Variants in PARN observed in about 807,000 individuals in gnomAD.
PARN encodes the protein poly(A)-specific ribonuclease PARN.
Under a neutral mutation model 102.8 loss-of-function variants are expected in PARN, and 71 were observed. The ratio of observed to expected loss-of-function variants is 0.69; its 90% CI spans 0.57 to 0.84. The LOEUF (loss-of-function observed/expected upper bound fraction) is 0.84. Among genes scored for constraint, PARN ranks in the 40% least tolerant of loss-of-function variants. The probability of loss-of-function intolerance (pLI) is 0.00; values close to 1 mark genes in which losing one functional copy is unlikely to be tolerated. For synonymous variants in PARN, 261 were observed against 252.9 expected (o/e 1.03, Z -0.30); for missense variants, 782 against 760.9 (o/e 1.03, Z -0.33).
At chr16:14,492,651 T>C (rs895367476) in intron 21 of PARN, among the ~76,000 whole-genome samples, 1 of 152,212 alleles carries the variant, frequency 6.6e-6, no homozygotes, top group African/African-American at 2.4e-5. Context: ...CACTGGCCAC[T>C]GTTCCCATGT....
At chr16:14,539,046 G>C (rs1218692115) in intron 21 of PARN, among the ~76,000 whole-genome samples, 2 of 152,150 alleles carry the variant, frequency 1.3e-5, no homozygotes. Flanking sequence ...ATTATGGTGA[G>C]TTGTATAATT....
At chr16:14,469,276 G>C (rs866778556) in intron 22 of PARN, among the ~76,000 whole-genome samples, 2 of 152,108 alleles carry the variant, frequency 1.3e-5, no homozygotes, top group African/African-American at 2.4e-5. Context: ...AGGTTGCAGC[G>C]AGCCAAGATC....
chr16:14,627,213 G>A (rs1217155288), intron 4 of PARN, 26 bp from the exon 5 acceptor site: 2 of 1,570,296 alleles, frequency 1.3e-6, no homozygotes, highest in Admixed American at 1.7e-5. Flanking sequence ...AGGAGACTTA[G>A]GAGGTGACAT....
Position 14,629,609 on chromosome 16 carries a change from C to T in PARN, c.85G>A (p.Gly29Arg). Residue 29 changes from glycine to arginine, a missense_variant, in exon 2 of 24, where the codon GGG becomes AGG. By Grantham distance (125) the Gly-to-Arg change is moderately radical (BLOSUM62 -2). Coordinates refer to ENST00000437198, the MANE Select transcript of PARN (RefSeq NM_002582.4). ...IEEADFFAID[G>R]EFSGISDGPS... ...AAGGGAGGGATACCTGAAAACTCCCCATCGATGGCGAAGAAGTCGGCCTCC... is the reference window on the plus strand; with the variant it reads ...AAGGGAGGGATACCTGAAAACTCCCTATCGATGGCGAAGAAGTCGGCCTCC... 6.2e-7 allele frequency: 1 copy of T among 1,612,488 alleles called. No individual in the cohort carries two copies. The highest frequency in any genetic ancestry group is 8.5e-7 in the Non-Finnish European group (1 of 1,178,434).
At chr16:14,600,796 G>A (rs563084111) in intron 11 of PARN, among the ~76,000 whole-genome samples, 2 of 152,238 alleles carry the variant, frequency 1.3e-5, no homozygotes, top group Non-Finnish European at 2.9e-5. Context: ...CGGACGTGGT[G>A]GTGCATGCCT....
At chr16:14,605,798 T>C (rs1831591730) in intron 10 of PARN, among the ~76,000 whole-genome samples, 1 of 152,230 alleles carries the variant, frequency 6.6e-6, no homozygotes, top group African/African-American at 2.4e-5. Context: ...ACAATAGCTG[T>C]GCTTACGACC....
intron 21 of PARN, among the ~76,000 whole-genome samples, chr16:14,544,960 G>T (rs1379164397): frequency 1.3e-5 from 2 of 152,188 alleles, no homozygotes; most frequent in African/African-American, 2.4e-5. Flanking sequence ...GCTGAGGTGG[G>T]AGGATTGCTT....
intron 21 of PARN, among the ~76,000 whole-genome samples, chr16:14,501,396 G>A (rs1197854275): frequency 1.9e-5 from 2 of 104,424 alleles, no homozygotes; most frequent in Non-Finnish European, 3.8e-5. Flanking sequence ...TCACTTGATT[G>A]CGCCACTGCA....
At chr16:14,565,697 T>G (rs373173120) in intron 18 of PARN, among the ~76,000 whole-genome samples, 1 of 152,206 alleles carries the variant, frequency 6.6e-6, no homozygotes, top group Admixed American at 6.5e-5. Context: ...TAAAAAGATA[T>G]GCCACCAACT....
intron 21 of PARN, among the ~76,000 whole-genome samples, chr16:14,537,485 A>G (rs956527396): frequency 1.3e-5 from 2 of 152,210 alleles, no homozygotes; most frequent in Admixed American, 6.5e-5. Flanking sequence ...CTGCACCCCC[A>G]TGTTTACTGC....
Position 14,610,344 on chromosome 16 carries a change from A to G in PARN, c.554+300T>C, listed in dbSNP as rs181940017. ...AAAAATTAGGCGGGTGTGGTGGTGC[A>G]CGCCTATAATCCCAGCTACTCTGGA... On this transcript the variant is annotated intron_variant, in intron 7 of 23. Coordinates refer to ENST00000437198, the MANE Select transcript of PARN (RefSeq NM_002582.4). 6.5e-4 allele frequency among the ~76,000 whole-genome samples: 99 copies of G among 152,154 alleles called. 1 individual carries two copies. The East Asian group carries it at 0.019, about 29-fold the overall frequency.
At chr16:14,479,607 G>A (rs1214581954) in intron 22 of PARN, among the ~76,000 whole-genome samples, 1 of 152,006 alleles carries the variant, frequency 6.6e-6, no homozygotes, top group African/African-American at 2.4e-5. Flanking sequence ...TATGCTTTCT[G>A]GTTTTAAGAC....
At chr16:14,623,976 A>C (rs1475571468) in intron 5 of PARN, among the ~76,000 whole-genome samples, 1 of 152,214 alleles carries the variant, frequency 6.6e-6, no homozygotes, top group Non-Finnish European at 1.5e-5. Context: ...GAGGAAGAAA[A>C]GAAAAAGGAG....
rs1005873708 is a variant in PARN at position 14,440,187 on chromosome 16, A to G, written c.1865-3415T>C. On this transcript the variant is annotated intron_variant, in intron 23 of 23. Transcript: ENST00000437198. ...AATAAACAACCCTAGAACAAAGGGA[A>G]AAAATGAAAAGATATTTCACCAAAT... Among the ~76,000 whole-genome samples, 4 of 152,366 alleles carry G rather than the reference A, an allele frequency of 2.6e-5. No homozygotes were observed. The East Asian group carries it at 5.8e-4, about 22-fold the overall frequency.
At chr16:14,458,508 A>C (rs1402529082) in intron 22 of PARN, among the ~76,000 whole-genome samples, 3 of 152,330 alleles carry the variant, frequency 2.0e-5, no homozygotes, top group African/African-American at 7.2e-5. Context: ...AAAAGAGAAC[A>C]GGAGAGGCAG....
intron 18 of PARN, among the ~76,000 whole-genome samples, chr16:14,559,096 G>A (rs1967885740): frequency 6.6e-6 from 1 of 151,868 alleles, no homozygotes; most frequent in African/African-American, 2.4e-5. Flanking sequence ...TTACAATTCT[G>A]TTATATTGCT....
chr16:14,550,859 C>T (rs1288320881), intron 21 of PARN, among the ~76,000 whole-genome samples: 4 of 152,196 alleles, frequency 2.6e-5, no homozygotes, highest in South Asian at 4.1e-4. Context: ...TATTCAAAAA[C>T]TTCCCATCTT....
chr16:14,533,555 G>A (rs151144768), intron 21 of PARN, among the ~76,000 whole-genome samples: 87 of 151,668 alleles, frequency 5.7e-4, no homozygotes, highest in African/African-American at 1.7e-3. Context: ...CTAGCTCCCC[G>A]CTGCCCCACA....
At chr16:14,565,567 G>A (rs1968378265) in intron 18 of PARN, among the ~76,000 whole-genome samples, 1 of 152,238 alleles carries the variant, frequency 6.6e-6, no homozygotes, top group Non-Finnish European at 1.5e-5. Flanking sequence ...ACTGTAAAGT[G>A]TCAGAGGAAA....
Sources: gnomAD v4.1 joint callset for allele counts (sites outside exome capture counted in the v4.1 genomes callset) on GRCh38, gnomAD v4.1.1 for gene constraint, MANE v1.5 for transcripts, NCBI Gene and HGNC (gene_info 2026-07-23, HGNC 2026-07-21) for gene names.